RPTOR: variants seen among roughly 807,000 people sequenced by gnomAD.
The protein encoded by RPTOR is regulatory-associated protein of mTOR.
RPTOR carries 21 observed loss-of-function variants against 169.9 expected under a neutral mutation model. The ratio of observed to expected loss-of-function variants is 0.12; its 90% CI spans 0.09 to 0.18. The LOEUF is 0.18. Ranked by LOEUF, RPTOR falls within the 10% of genes least tolerant of loss-of-function variation. The pLI is 1.00. For synonymous variants in RPTOR, 732 were observed against 753.2 expected, an observed-to-expected ratio of 0.97 and a Z score of 0.46; for missense variants, 1,133 against 1,855.9, an observed-to-expected ratio of 0.61 and a Z score of 7.16.
chr17:80,774,321 T>C, intron 6 of RPTOR: 1 of 985,430 alleles, frequency 1.0e-6, no homozygotes, highest in Non-Finnish European at 1.2e-6. Flanking sequence ...GAAGCCGCAA[T>C]GTCATGTAAG....
intron 4 of RPTOR, among the ~76,000 whole-genome samples, chr17:80,712,819 C>T (rs963231524): frequency 6.6e-6 from 1 of 152,158 alleles, no homozygotes; most frequent in Non-Finnish European, 1.5e-5. Flanking sequence ...TCCACATGCT[C>T]ATCAGCATTT....
intron 25 of RPTOR, among the ~76,000 whole-genome samples, chr17:80,940,930 G>A (rs1012954846): frequency 2.0e-5 from 3 of 152,210 alleles, no homozygotes; most frequent in African/African-American, 7.2e-5. Context: ...GATTATCAGC[G>A]CAGGTGGAAC....
At chr17:80,676,922 C>T (rs905793179) in intron 3 of RPTOR, among the ~76,000 whole-genome samples, 12 of 152,122 alleles carry the variant, frequency 7.9e-5, no homozygotes, top group African/African-American at 2.9e-4. Context: ...TAAAGTCACC[C>T]GTGTGGGGGA....
intron 3 of RPTOR, among the ~76,000 whole-genome samples, chr17:80,655,210 C>T (rs903493615): frequency 8.6e-5 from 13 of 151,932 alleles, no homozygotes; most frequent in Admixed American, 2.0e-4. Flanking sequence ...CTCAGCCTCC[C>T]GAATAGCTGG....
rs996365930 is a variant in RPTOR, at chr17:80,888,776, C to T, written c.1984-2944C>T. Among the ~76,000 whole-genome samples, 8 of 152,208 alleles carry T rather than the reference C, an allele frequency of 5.3e-5. No homozygotes were observed. In the South Asian group the frequency reaches 6.2e-4, roughly 12 times the overall value. On this transcript the variant is annotated intron_variant, in intron 17 of 33. Transcript: ENST00000306801. The stretch of plus-strand genomic sequence containing the variant: ...GGGCCGGCTGGGGCCTCAGTGACCC[C>T]GCAGGGCACTAACCCTGCCTCTTCT...
At chr17:80,828,186 G>A (rs974991510) in intron 9 of RPTOR, among the ~76,000 whole-genome samples, 3 of 152,150 alleles carry the variant, frequency 2.0e-5, no homozygotes, top group East Asian at 3.9e-4. Context: ...AAGCTTCCCC[G>A]GTGTCTGAAC....
In RPTOR at chr17:80,823,371, C is replaced by CG; in HGVS notation, c.1136+148_1136+149insG. The CG allele has an allele frequency of 4.0e-5, 36 of 902,954 alleles. No homozygotes were observed. Among genetic ancestry groups the CG allele is most frequent in the South Asian group, 2.0e-4 (9 of 44,826 alleles). 55.9% of individuals were successfully genotyped at this position (902,954 alleles called of 1,614,324 possible). A position where few individuals can be genotyped will look rare whatever the true frequency, so the allele number is the denominator to read the frequency against. On this transcript the variant is annotated intron_variant, in intron 9 of 33. Coordinates refer to ENST00000306801, the MANE Select transcript of RPTOR (RefSeq NM_020761.3). This position sits in a 1 kb window ranked among gnomAD's most constrained non-coding sequence, Gnocchi z 4.5. ...TTAACAAGTGAAGCTAAATGCAGGG[C>CG]TCCCAGAGATCTCCACACAGAGGAG...
At chr17:80,785,532 T>C (rs1350503222) in intron 6 of RPTOR, among the ~76,000 whole-genome samples, 1 of 152,108 alleles carries the variant, frequency 6.6e-6, no homozygotes, top group Non-Finnish European at 1.5e-5. Context: ...TCCCGACTGG[T>C]GAGTGGGTGA....
At chr17:80,929,299 G>T (rs2068847319) in intron 24 of RPTOR, among the ~76,000 whole-genome samples, 1 of 152,220 alleles carries the variant, frequency 6.6e-6, no homozygotes, top group Non-Finnish European at 1.5e-5. Flanking sequence ...ACAAGCACGG[G>T]AGGAGGCTTG....
At chr17:80,684,182 A>G (rs973454049) in intron 3 of RPTOR, among the ~76,000 whole-genome samples, 27 of 151,944 alleles carry the variant, frequency 1.8e-4, no homozygotes, top group Admixed American at 1.7e-3. Flanking sequence ...CACTGTACTC[A>G]AGTTCACGTG....
intron 21 of RPTOR, among the ~76,000 whole-genome samples, chr17:80,913,523 G>T (rs1167384772): frequency 6.6e-6 from 1 of 152,114 alleles, no homozygotes. Context: ...TCCAGTCACG[G>T]CTCACTGCAG....
chr17:80,864,961 G>A lies in RPTOR; in HGVS notation c.1509+7061G>A, dbSNP rs867595167. Reference sequence around the variant, plus strand: ...TCCTGCCTCAGCCTCCCGAGTAGCCGGGATCACGGGCACAAGCCACGGCAC... The same window carrying A: ...TCCTGCCTCAGCCTCCCGAGTAGCCAGGATCACGGGCACAAGCCACGGCAC... On this transcript the variant is annotated intron_variant, in intron 13 of 33. Coordinates refer to ENST00000306801, the MANE Select transcript of RPTOR (RefSeq NM_020761.3). Among the ~76,000 whole-genome samples the A allele has an allele frequency of 5.8e-4, 89 of 152,156 alleles. 1 individual carries two copies. The highest frequency in any genetic ancestry group is 2.2e-4 in the African/African-American group (9 of 41,426).
intron 28 of RPTOR, among the ~76,000 whole-genome samples, chr17:80,955,659 T>C (rs1352632931): frequency 6.6e-6 from 1 of 152,088 alleles, no homozygotes; most frequent in African/African-American, 2.4e-5. Context: ...TATATAAAAA[T>C]ATGTGCAACT....
chr17:80,725,538 TG>T (rs2066324698), intron 4 of RPTOR, among the ~76,000 whole-genome samples: 1 of 152,186 alleles, frequency 6.6e-6, no homozygotes, highest in Non-Finnish European at 1.5e-5. Context: ...AATTCTGGGC[TG>T]GTGTGGGTTG....
intron 7 of RPTOR, among the ~76,000 whole-genome samples, chr17:80,817,393 G>A (rs988295495): frequency 6.6e-6 from 1 of 152,110 alleles, no homozygotes; most frequent in African/African-American, 2.4e-5. Context: ...CGGCAGTGAG[G>A]CGGCCACCCC....
intron 31 of RPTOR, 75 bp downstream of exon 31, chr17:80,961,555 G>A: frequency 2.1e-6 from 3 of 1,452,506 alleles, no homozygotes; most frequent in Non-Finnish European, 2.8e-6. Context: ...ATACGTCCTT[G>A]GTATTTAAAC....
intron 3 of RPTOR, among the ~76,000 whole-genome samples, chr17:80,644,989 C>T (rs975179547): frequency 3.3e-5 from 5 of 152,172 alleles, no homozygotes; most frequent in African/African-American, 1.2e-4. Flanking sequence ...TGACTTTTTC[C>T]TCTCTTAAAT....
At chr17:80,673,923 A>G (rs774609898) in intron 3 of RPTOR, among the ~76,000 whole-genome samples, 3 of 152,246 alleles carry the variant, frequency 2.0e-5, no homozygotes, top group Non-Finnish European at 4.4e-5. Flanking sequence ...CACTTAGGGC[A>G]TGAACTAGAT....
At chr17:80,852,111 A>T (rs1265073045) in intron 11 of RPTOR, among the ~76,000 whole-genome samples, 1 of 152,180 alleles carries the variant, frequency 6.6e-6, no homozygotes, top group Non-Finnish European at 1.5e-5. Flanking sequence ...GACATCTGGT[A>T]GCCGAACACT....
Sources: allele counts gnomAD v4.1 joint callset (sites outside exome capture counted in the v4.1 genomes callset), GRCh38; gene constraint gnomAD v4.1.1; non-coding constraint Gnocchi (gnomAD v3.1); transcripts MANE v1.5; gene names NCBI Gene and HGNC (gene_info 2026-07-23, HGNC 2026-07-21).